The following GID8 variants were observed in gnomAD, a reference collection of about 807,000 sequenced individuals.
The protein encoded by GID8 is glucose-induced degradation protein 8 homolog.
A neutral mutation model predicts 27.4 loss-of-function variants in GID8; 6 were observed. That is an observed-to-expected ratio of 0.22 (90% CI 0.12 to 0.43). GID8 has a LOEUF of 0.43. Ranked by LOEUF, GID8 falls within the 20% of genes least tolerant of loss-of-function variation. The pLI is 1.00. For missense variants in GID8, 173 were observed against 287.6 expected (o/e 0.60, Z 2.88); for synonymous variants, 112 against 109.0 (o/e 1.03, Z -0.17).
chr20:62,944,637 C>A, intron 4 of GID8, 102 bp from the exon 5 acceptor site: 1 of 795,616 alleles, frequency 1.3e-6, no homozygotes, highest in East Asian at 2.5e-5. Flanking sequence ...GAGAGTGTCT[C>A]GCAGTTAAGA....
Position 62,945,784 on chromosome 20 carries a change from T to A in GID8, c.*872T>A. On this transcript the variant is annotated 3_prime_UTR_variant, in exon 5 of 5. Transcript: ENST00000266069. The stretch of plus-strand genomic sequence containing the variant: ...CCCTGTGCTGAGTGAGCGGCCTTCA[T>A]TAGAGCGAGGCAGCCCTTGGCCGGT... The A allele has an allele frequency of 7.8e-7, 1 of 1,275,622 alleles. No homozygotes were observed. The highest frequency in any genetic ancestry group is 1.5e-5 in the African/African-American group (1 of 65,884). 79.0% of individuals were successfully genotyped at this position (1,275,622 alleles called of 1,614,324 possible).
rs2065460996 is a variant in GID8 at position 62,945,219 on chromosome 20, A to G, written c.*307A>G. ...CTCTGGCTGCTGAAGGATTCGGTCT[A>G]CCACGGAGGGCTGTGCTGTTAGGCT... On this transcript the variant is annotated 3_prime_UTR_variant, in exon 5 of 5. Transcript: ENST00000266069. 5 of 1,142,786 alleles carry G rather than the reference A, an allele frequency of 4.4e-6. No homozygotes were observed. In the African/African-American group the frequency reaches 4.7e-5, roughly 11 times the overall value. 70.8% of individuals were successfully genotyped at this position (1,142,786 alleles called of 1,614,324 possible).
Position 62,945,859 on chromosome 20 carries a change from G to A in GID8, c.*947G>A, listed in dbSNP as rs573614423. 443 of 1,289,756 alleles carry A rather than the reference G, an allele frequency of 3.4e-4. 8 individuals carry two copies. In the South Asian group the frequency reaches 4.1e-3, roughly 12 times the overall value. The allele number at this position is 1,289,756 out of a possible 1,614,324, so 79.9% of individuals were successfully genotyped here. On this transcript the variant is annotated 3_prime_UTR_variant, in exon 5 of 5. Transcript: ENST00000266069. ...GTGCACGACTGTTGGCGGAAGGAAC[G>A]CGTGTTCATCCTCAGTGATCTGCCC... is the stretch of plus-strand genomic sequence containing the variant.
rs1215463747 is a variant in GID8 at position 62,944,928 on chromosome 20, G to A, written c.*16G>A. On this transcript the variant is annotated 3_prime_UTR_variant, in exon 5 of 5. Coordinates refer to ENST00000266069, the MANE Select transcript of GID8 (RefSeq NM_017896.3). ...GCCCAAGTAGCGCCTGCGCTTGCGT[G>A]GTGGATCCAACACCAGCCCTGCGTC... 1 of 1,602,246 alleles carries A rather than the reference G, an allele frequency of 6.2e-7. No homozygotes were observed. The highest frequency in any genetic ancestry group is 1.3e-5 in the African/African-American group (1 of 74,416).
intron 2 of GID8, 135 bp from the exon 3 acceptor site, chr20:62,942,852 A>T: frequency 3.2e-6 from 2 of 626,282 alleles, no homozygotes; most frequent in Non-Finnish European, 5.8e-6. Context: ...TAAAGATATT[A>T]ATACCGAGTT....
rs899841299 is a variant in GID8, at chr20:62,943,334, T to C, written c.315+151T>C. The stretch of plus-strand genomic sequence containing the variant: ...GGTTTGAGTTTGCTCTTTTATGTAG[T>C]TCAGAAGCGGTTTTTTGTTTTAAAA... On this transcript the variant is annotated intron_variant, in intron 3 of 4. Coordinates refer to ENST00000266069, the MANE Select transcript of GID8 (RefSeq NM_017896.3). The surrounding 1 kb of genome is among the most constrained non-coding windows in gnomAD (Gnocchi z 4.7). 1.1e-6 allele frequency: 1 copy of C among 946,028 alleles called. No individual in the cohort carries two copies. Among genetic ancestry groups the C allele is most frequent in the Admixed American group, 2.6e-5 (1 of 38,702 alleles). 58.6% of individuals were successfully genotyped at this position (946,028 alleles called of 1,614,324 possible). A position where few individuals can be genotyped will look rare whatever the true frequency, so the allele number is the denominator to read the frequency against.
Position 62,947,150 on chromosome 20 carries a change from C to A in GID8, c.*2238C>A, listed in dbSNP as rs556569616. 1.1e-4 allele frequency: 16 copies of A among 151,984 alleles called. No individual in the cohort carries two copies. Among genetic ancestry groups the A allele is most frequent in the African/African-American group, 3.6e-4 (15 of 41,392 alleles). 9.4% of individuals were successfully genotyped at this position (151,984 alleles called of 1,614,324 possible). A position where few individuals can be genotyped will look rare whatever the true frequency, so the allele number is the denominator to read the frequency against. On this transcript the variant is annotated 3_prime_UTR_variant, in exon 5 of 5. Coordinates refer to ENST00000266069, the MANE Select transcript of GID8 (RefSeq NM_017896.3). ...GATGTCGGGGAGACTGGGAAGTCTC[C>A]AGCGTTACTGCTCTCCTTCCCTTCA...
In GID8 at chr20:62,945,651, C is replaced by G. The variant is rs1442709695; in HGVS notation, c.*739C>G. ...ATTTCAAGAATGACCAAAATGGCCT[C>G]TAAAAGATGTTAATCATCTCAAATG... is the stretch of plus-strand genomic sequence containing the variant. On this transcript the variant is annotated 3_prime_UTR_variant, in exon 5 of 5. Transcript: ENST00000266069. 8.5e-7 allele frequency: 1 copy of G among 1,176,086 alleles called. No individual in the cohort carries two copies. The highest frequency in any genetic ancestry group is 6.1e-5 in the East Asian group (1 of 16,352). The allele number at this position is 1,176,086 out of a possible 1,614,324, so 72.9% of individuals were successfully genotyped here. A position where few individuals can be genotyped will look rare whatever the true frequency, so the allele number is the denominator to read the frequency against.
At chr20:62,939,377 C>T (rs1241480326) in intron 1 of GID8, among the ~76,000 whole-genome samples, 1 of 152,148 alleles carries the variant, frequency 6.6e-6, no homozygotes, top group Non-Finnish European at 1.5e-5. Context: ...TTCCTATGGT[C>T]TTTGCTGAAT....
chr20:62,943,116 T>C lies in GID8; in HGVS notation c.248T>C (p.Ile83Thr). The C allele has an allele frequency of 6.2e-7, 1 of 1,614,142 alleles. No homozygotes were observed. The highest frequency in any genetic ancestry group is 8.5e-7 in the Non-Finnish European group (1 of 1,179,980). ...CTGAAAGGTCAGATTCAGGAGGCCA[T>C]CGCCTTGATCAACAGCCTCCACCCA... ...MILKGQIQEA[I>T]ALINSLHPEL... Residue 83 changes from isoleucine (I) to threonine (T), a missense_variant, in exon 3 of 5, where the codon ATC becomes ACC. Physicochemically the swap from Ile to Thr is moderately conservative, Grantham distance 89. Coordinates refer to ENST00000266069, the MANE Select transcript of GID8 (RefSeq NM_017896.3). This position sits in a 1 kb window ranked among gnomAD's most constrained non-coding sequence, Gnocchi z 4.7.
chr20:62,946,936 CAT>C lies in GID8; in HGVS notation c.*2027_*2028del, dbSNP rs2065469081. 1 of 152,194 alleles carries C rather than the reference CAT, an allele frequency of 6.6e-6. No individual in the cohort carries two copies. The highest frequency in any genetic ancestry group is 2.4e-5 in the African/African-American group (1 of 41,438). The allele number at this position is 152,194 out of a possible 1,614,324, so 9.4% of individuals were successfully genotyped here. ...CTTGCATAATATATCATCAATTTGACATATTCTTAAAACTAGAGGGTGTGAGA... is the reference window on the plus strand; with the variant it reads ...CTTGCATAATATATCATCAATTTGACATTCTTAAAACTAGAGGGTGTGAGA... On this transcript the variant is annotated 3_prime_UTR_variant, in exon 5 of 5. Transcript: ENST00000266069.
Position 62,945,838 on chromosome 20 carries a change from A to C in GID8, c.*926A>C, listed in dbSNP as rs1268050258. 1.6e-6 allele frequency: 2 copies of C among 1,289,726 alleles called. No homozygotes were observed. Among genetic ancestry groups the C allele is most frequent in the Non-Finnish European group, 2.0e-6 (2 of 988,824 alleles). The allele number at this position is 1,289,726 out of a possible 1,614,324, so 79.9% of individuals were successfully genotyped here. A position where few individuals can be genotyped will look rare whatever the true frequency, so the allele number is the denominator to read the frequency against. On this transcript the variant is annotated 3_prime_UTR_variant, in exon 5 of 5. Coordinates refer to ENST00000266069, the MANE Select transcript of GID8 (RefSeq NM_017896.3). ...GACGCAGAGCCCCAGCAGGTGGTGC[A>C]CGACTGTTGGCGGAAGGAACGCGTG...
intron 2 of GID8, 47 bp downstream of exon 2, chr20:62,941,667 T>G: frequency 9.7e-7 from 1 of 1,028,806 alleles, no homozygotes; most frequent in Non-Finnish European, 1.5e-6. Flanking sequence ...TGATTCTCCC[T>G]TTTTGAACAC....
At chr20:62,942,864 C>T (rs1601071443) in intron 2 of GID8, 123 bp from the exon 3 acceptor site, 1 of 660,596 alleles carries the variant, frequency 1.5e-6, no homozygotes, top group Admixed American at 2.6e-5. Context: ...TACCGAGTTC[C>T]TGAGAAAGTG....
Position 62,943,897 on chromosome 20 carries a change from G to A in GID8, c.513+205G>A, listed in dbSNP as rs986802971. ...GTCGCCCAGGCTGGAGTGCAGTGAC[G>A]AGATCTCTGCTCACTGCAACCCCCG... On this transcript the variant is annotated intron_variant, in intron 4 of 4. Coordinates refer to ENST00000266069, the MANE Select transcript of GID8 (RefSeq NM_017896.3). The surrounding 1 kb of genome is among the most constrained non-coding windows in gnomAD (Gnocchi z 4.7). Among the ~76,000 whole-genome samples the A allele has an allele frequency of 3.4e-5, 5 of 148,986 alleles. No individual in the cohort carries two copies. Among genetic ancestry groups the A allele is most frequent in the African/African-American group, 9.9e-5 (4 of 40,514 alleles).
chr20:62,940,129 A>G (rs2065435334), intron 1 of GID8, among the ~76,000 whole-genome samples: 1 of 151,298 alleles, frequency 6.6e-6, no homozygotes, highest in Non-Finnish European at 1.5e-5. Context: ...GTTGTTCCTG[A>G]TAAAACTCAC....
chr20:62,941,475 T>C lies in GID8; in HGVS notation c.-12-16T>C, dbSNP rs774398702. 1.4e-6 allele frequency: 2 copies of C among 1,416,442 alleles called. No homozygotes were observed. The highest frequency in any genetic ancestry group is 2.0e-6 in the Non-Finnish European group (2 of 1,000,016). The allele number at this position is 1,416,442 out of a possible 1,614,324, so 87.7% of individuals were successfully genotyped here. On this transcript the variant is annotated splice_polypyrimidine_tract_variant and intron_variant, in intron 1 of 4. Transcript: ENST00000266069. ...GCATCTAAACCCCTCCCTCAGCTGT[T>C]ATTTTTTTCCTGTAGAAATAAATCA... is the stretch of plus-strand genomic sequence containing the variant.
intron 1 of GID8, among the ~76,000 whole-genome samples, chr20:62,940,454 A>G (rs910490239): frequency 6.7e-6 from 1 of 150,348 alleles, no homozygotes; most frequent in African/African-American, 2.5e-5. Context: ...GGTTCACGCC[A>G]TTCTCCTGCC....
Position 62,943,698 on chromosome 20 carries a change from GCCTGCC to G in GID8, c.513+7_513+12del. Reference sequence around the variant, plus strand: ...ACACCATGCAGAGGCAGAAGGTGGGGCCTGCCAGAGGGAAGCTTTCTTCCATTCCCC... The same window carrying G: ...ACACCATGCAGAGGCAGAAGGTGGGGAGAGGGAAGCTTTCTTCCATTCCCC... On this transcript the variant is annotated splice_region_variant and intron_variant, in intron 4 of 4. Transcript: ENST00000266069. This position sits in a 1 kb window ranked among gnomAD's most constrained non-coding sequence, Gnocchi z 4.7. The G allele has an allele frequency of 6.2e-7, 1 of 1,608,404 alleles. No homozygotes were observed. Among genetic ancestry groups the G allele is most frequent in the South Asian group, 1.1e-5 (1 of 90,988 alleles).
Sources: allele counts gnomAD v4.1 joint callset (sites outside exome capture counted in the v4.1 genomes callset), GRCh38; gene constraint gnomAD v4.1.1; non-coding constraint Gnocchi (gnomAD v3.1); transcripts MANE v1.5; gene names NCBI Gene and HGNC (gene_info 2026-07-23, HGNC 2026-07-21).